The following UQCC1 variants were observed in gnomAD, a reference collection of about 807,000 sequenced individuals.
UQCC1 encodes the protein ubiquinol-cytochrome c reductase complex assembly factor 1.
UQCC1 carries 38 observed loss-of-function variants against 48.0 expected under a neutral mutation model. That is an observed-to-expected ratio of 0.79 (90% CI 0.61 to 1.04). The LOEUF is 1.04. Ranked by LOEUF, UQCC1 falls within the 50% of genes least tolerant of loss-of-function variation. The pLI, the probability that UQCC1 is intolerant of heterozygous loss-of-function variation, is 0.00. For synonymous variants in UQCC1, 111 were observed against 129.2 expected (o/e 0.86, Z 0.95); for missense variants, 368 against 381.8 (o/e 0.96, Z 0.30).
rs141626808 is a variant in UQCC1, at chr20:35,304,060, G to A, written c.775C>T (p.Leu259=). The change falls in exon 10 of 10, where the codon CTG becomes TTG. Residue 259 remains leucine, a synonymous_variant. Coordinates refer to ENST00000374385, the MANE Select transcript of UQCC1 (RefSeq NM_018244.5). ...AGATCCTCCCCGTTCATGGAGTCCA[G>A]GTACTGTATCTGCAACCAGGGGAGG... is the stretch of plus-strand genomic sequence containing the variant. ...VEYVRKQIQY[L]DSMNGEDLLL... is the part of the protein sequence containing the mutation. 2.8e-4 allele frequency: 455 copies of A among 1,613,982 alleles called. No homozygotes were observed. The highest frequency in any genetic ancestry group is 3.3e-4 in the Non-Finnish European group (393 of 1,179,996).
At chr20:35,334,090 C>T (rs942599193) in intron 7 of UQCC1, among the ~76,000 whole-genome samples, 4 of 152,076 alleles carry the variant, frequency 2.6e-5, no homozygotes, top group Non-Finnish European at 4.4e-5. Flanking sequence ...TTTATGTAAC[C>T]AAAACCCTTA....
intron 7 of UQCC1, chr20:35,345,755 A>G (rs1462574592): frequency 6.6e-6 from 1 of 151,838 alleles, no homozygotes; most frequent in South Asian, 2.1e-4. Context: ...TTTGATTTCT[A>G]TTCTATGAGC....
At chr20:35,394,029 TA>T in intron 2 of UQCC1, 62 bp downstream of exon 2, 1 of 1,497,046 alleles carries the variant, frequency 6.7e-7, no homozygotes, top group African/African-American at 1.4e-5. Context: ...AATCTATAAA[TA>T]CATGACATTT....
chr20:35,322,020 G>A (rs1198727940), intron 7 of UQCC1, among the ~76,000 whole-genome samples: 1 of 152,192 alleles, frequency 6.6e-6, no homozygotes, highest in Non-Finnish European at 1.5e-5. Context: ...GGTACACTAC[G>A]GTTCTGGGAT....
rs1159800253 is a variant in UQCC1 at position 35,306,670 on chromosome 20, T to C, written c.761A>G (p.Lys254Arg). ...GGGAGGGAAAGGGTCACTCACCTGT[T>C]TCCTCACATACTCTACCAGCAATTC... is the stretch of plus-strand genomic sequence containing the variant. ...HLELLVEYVR[K>R]QIQYLDSMNG... Residue 254 changes from lysine to arginine, a missense_variant, in exon 9 of 10, where the codon AAA becomes AGA. Transcript: ENST00000374385. 6.8e-6 allele frequency: 11 copies of C among 1,613,304 alleles called. No individual in the cohort carries two copies. The highest frequency in any genetic ancestry group is 7.6e-6 in the Non-Finnish European group (9 of 1,179,636).
intron 8 of UQCC1, among the ~76,000 whole-genome samples, chr20:35,314,051 G>A (rs1347704892): frequency 5.3e-5 from 8 of 151,774 alleles, no homozygotes; most frequent in Non-Finnish European, 8.8e-5. Flanking sequence ...TGCAACCTCC[G>A]TCTCCCAGGT....
At chr20:35,378,875 C>G (rs1158217726) in intron 4 of UQCC1, among the ~76,000 whole-genome samples, 1 of 152,122 alleles carries the variant, frequency 6.6e-6, no homozygotes, top group African/African-American at 2.4e-5. Context: ...CACTGGAATA[C>G]CTTCTTTTTT....
chr20:35,361,734 T>A (rs2061607507), intron 6 of UQCC1, among the ~76,000 whole-genome samples: 1 of 152,118 alleles, frequency 6.6e-6, no homozygotes, highest in Non-Finnish European at 1.5e-5. Context: ...TTCTCTGACT[T>A]CTCTAAGCCC....
intron 7 of UQCC1, among the ~76,000 whole-genome samples, chr20:35,338,565 G>A (rs959226586): frequency 5.3e-5 from 8 of 151,838 alleles, no homozygotes; most frequent in African/African-American, 1.9e-4. Context: ...AATCTTTTGG[G>A]GCCGGGCACG....
intron 1 of UQCC1, among the ~76,000 whole-genome samples, chr20:35,400,509 T>C (rs1182401597): frequency 6.6e-6 from 1 of 151,614 alleles, no homozygotes; most frequent in Non-Finnish European, 1.5e-5. Context: ...CTTTTTTTTT[T>C]TTTTGAGACG....
At chr20:35,348,765 T>G (rs2061458725) in intron 6 of UQCC1, among the ~76,000 whole-genome samples, 2 of 152,156 alleles carry the variant, frequency 1.3e-5, no homozygotes, top group South Asian at 4.1e-4. Flanking sequence ...GGGAGCCTCC[T>G]GCCTCAGCCT....
intron 4 of UQCC1, among the ~76,000 whole-genome samples, chr20:35,376,968 C>A (rs74720576): frequency 6.0e-4 from 85 of 142,638 alleles, no homozygotes; most frequent in African/African-American, 1.8e-3. Context: ...CAAAACAAAA[C>A]AAAAAAAAAA....
At chr20:35,369,020 T>G (rs1169092894) in intron 5 of UQCC1, among the ~76,000 whole-genome samples, 1 of 152,238 alleles carries the variant, frequency 6.6e-6, no homozygotes, top group African/African-American at 2.4e-5. Flanking sequence ...AGTCTGTCTT[T>G]CAATCTGGAA....
At chr20:35,384,251 G>A in intron 2 of UQCC1, 118 bp from the exon 3 acceptor site, 5 of 774,294 alleles carry the variant, frequency 6.5e-6, no homozygotes, top group South Asian at 5.1e-5. Flanking sequence ...CCACTTCCCC[G>A]TGATCAGCTC....
At chr20:35,350,804 G>A (rs150836071) in intron 6 of UQCC1, among the ~76,000 whole-genome samples, 2,195 of 152,134 alleles carry the variant, frequency 0.014, 49 homozygotes, top group African/African-American at 0.049. Context: ...ACTTTGGGAG[G>A]CCGAGGTGGG....
At chr20:35,401,485 G>C (rs772526071) in intron 1 of UQCC1, among the ~76,000 whole-genome samples, 4 of 152,098 alleles carry the variant, frequency 2.6e-5, no homozygotes, top group African/African-American at 4.8e-5. Flanking sequence ...ATCTCAGCCA[G>C]GAACACACAC....
rs2061388264 is a variant in UQCC1 at position 35,342,218 on chromosome 20, A to G, written c.573+4946T>C. ...GATAAGGGTAAACTGTAATTTCTCA[A>G]CTACAGCCCACTCCCATCCCTTCCC... On this transcript the variant is annotated intron_variant, in intron 7 of 9. Transcript: ENST00000374385. Among the ~76,000 whole-genome samples the G allele has an allele frequency of 2.6e-5, 4 of 152,174 alleles. No homozygotes were observed. In the South Asian group the frequency reaches 8.3e-4, roughly 31 times the overall value.
intron 2 of UQCC1, chr20:35,386,266 T>A: frequency 4.8e-6 from 2 of 414,908 alleles, no homozygotes; most frequent in Admixed American, 3.2e-5. Context: ...CTCTCACTAA[T>A]GCTATATTAC....
intron 1 of UQCC1, among the ~76,000 whole-genome samples, chr20:35,404,830 C>T (rs2062227724): frequency 6.6e-6 from 1 of 152,174 alleles, no homozygotes. Flanking sequence ...ATAGAGGTAA[C>T]TGTTTGACTT....
Sources: gnomAD v4.1 joint callset for allele counts (sites outside exome capture counted in the v4.1 genomes callset) on GRCh38, gnomAD v4.1.1 for gene constraint, MANE v1.5 for transcripts, NCBI Gene and HGNC (gene_info 2026-07-23, HGNC 2026-07-21) for gene names.